TRPV4: variants seen among roughly 807,000 people sequenced by gnomAD.
TRPV4 encodes the protein transient receptor potential cation channel subfamily V member 4.
In TRPV4, 58 loss-of-function variants were observed where a neutral mutation model predicts 84.1. That is an observed-to-expected ratio of 0.69 (90% confidence interval 0.56 to 0.86). TRPV4 has a LOEUF of 0.86. Ranked by LOEUF, TRPV4 falls within the 40% of genes least tolerant of loss-of-function variation. TRPV4 has a pLI of 0.00. For synonymous variants in TRPV4, 489 were observed against 500.9 expected (o/e 0.98, Z 0.32); for missense variants, 879 against 1,181.1 (o/e 0.74, Z 3.75).
intron 1 of TRPV4, among the ~76,000 whole-genome samples, chr12:109,828,605 G>A (rs1449387620): frequency 2.0e-5 from 3 of 152,220 alleles, no homozygotes; most frequent in Admixed American, 2.0e-4. Context: ...ACTTTCTGAG[G>A]TCACAGAGCA....
Position 109,815,823 on chromosome 12 carries a change from A to C in TRPV4, c.-31-996T>G, listed in dbSNP as rs1291462933. ...GTTCCCATTTCTCAGATGAGGAAGC[A>C]GCTTTCAAAGGCAGCAAACAGCTTG... On this transcript the variant is annotated intron_variant, in intron 1 of 15. Coordinates refer to ENST00000261740, the MANE Select transcript of TRPV4 (RefSeq NM_021625.5). This position sits in a 1 kb window ranked among gnomAD's most constrained non-coding sequence, Gnocchi z 4.1. Among the ~76,000 whole-genome samples, 1 of 152,248 alleles carries C rather than the reference A, an allele frequency of 6.6e-6. No homozygotes were observed. Among genetic ancestry groups the C allele is most frequent in the Non-Finnish European group, 1.5e-5 (1 of 68,040 alleles).
chr12:109,827,992 C>A (rs1174169113), intron 1 of TRPV4, among the ~76,000 whole-genome samples: 1 of 152,224 alleles, frequency 6.6e-6, no homozygotes, highest in African/African-American at 2.4e-5. Context: ...CCCACTCGGT[C>A]AACCGGGTGG....
chr12:109,831,464 C>G (rs1347404016), intron 1 of TRPV4, among the ~76,000 whole-genome samples: 1 of 152,232 alleles, frequency 6.6e-6, no homozygotes, highest in African/African-American at 2.4e-5. Flanking sequence ...CCCCGGGGGG[C>G]CACAAGGGAA....
intron 1 of TRPV4, among the ~76,000 whole-genome samples, chr12:109,819,603 C>G (rs1367900561): frequency 6.6e-6 from 1 of 152,216 alleles, no homozygotes; most frequent in African/African-American, 2.4e-5. Flanking sequence ...ACTCTCTCAC[C>G]CAGACTGCAG....
intron 12 of TRPV4, 26 bp from the exon 13 acceptor site, chr12:109,788,742 A>C: frequency 6.2e-7 from 1 of 1,612,802 alleles, no homozygotes; most frequent in Non-Finnish European, 8.5e-7. Flanking sequence ...GGTGGCACTC[A>C]CTGAGTGTGA....
chr12:109,817,539 T>C (rs575040867), intron 1 of TRPV4, among the ~76,000 whole-genome samples: 1 of 152,278 alleles, frequency 6.6e-6, no homozygotes, highest in South Asian at 2.1e-4. Context: ...AAATGGGGGC[T>C]CTGGTGCCAG....
At chr12:109,803,211 G>A (rs1367075285) in intron 3 of TRPV4, 68 bp from the exon 4 acceptor site, 1 of 1,580,192 alleles carries the variant, frequency 6.3e-7, no homozygotes, top group Admixed American at 1.7e-5. Flanking sequence ...AGGCATCGGG[G>A]TACAGAACAC....
At chr12:109,829,324 A>G (rs1592877235) in intron 1 of TRPV4, among the ~76,000 whole-genome samples, 1 of 152,336 alleles carries the variant, frequency 6.6e-6, no homozygotes, top group East Asian at 1.9e-4. Context: ...CTGAGGCCAA[A>G]GGAATAATGG....
rs1456793494 is a variant in TRPV4 at position 109,803,064 on chromosome 12, C to A, written c.639G>T (p.Leu213=). 6.2e-7 allele frequency: 1 copy of A among 1,614,090 alleles called. No homozygotes were observed. Among genetic ancestry groups the A allele is most frequent in the African/African-American group, 1.3e-5 (1 of 74,950 alleles). ...TGCCGGTGCGCTCCGCGATGTCCAG[C>A]AGCACAGGGATGGTGTCGTTGCGGC... The part of the protein sequence containing the change: ...SNGRNDTIPV[L]LDIAERTGNM... The change falls in exon 4 of 16, where the codon CTG becomes CTT. Residue 213 remains leucine (L), a synonymous_variant. Transcript: ENST00000261740.
In TRPV4 at chr12:109,793,809, G is replaced by A; in HGVS notation, c.1584+121C>T. The A allele has an allele frequency of 1.1e-6, 1 of 882,388 alleles. No individual in the cohort carries two copies. Among genetic ancestry groups the A allele is most frequent in the Non-Finnish European group, 1.9e-6 (1 of 538,404 alleles). 54.7% of individuals were successfully genotyped at this position (882,388 alleles called of 1,614,324 possible). A position where few individuals can be genotyped will look rare whatever the true frequency, so the allele number is the denominator to read the frequency against. ...TAGAAGAGAAATGGGAAAATAAAAG[G>A]AGGAAGGAAAGGAGAAGGACCATTT... is the stretch of plus-strand genomic sequence containing the variant. On this transcript the variant is annotated intron_variant, in intron 9 of 15. Transcript: ENST00000261740. The surrounding 1 kb of genome is among the most constrained non-coding windows in gnomAD (Gnocchi z 4.0).
chr12:109,794,998 A>G (rs1890303814), intron 7 of TRPV4, among the ~76,000 whole-genome samples: 1 of 152,232 alleles, frequency 6.6e-6, no homozygotes, highest in Non-Finnish European at 1.5e-5. Flanking sequence ...AGCCTGGGCA[A>G]CAAGAGTGAG....
intron 13 of TRPV4, among the ~76,000 whole-genome samples, chr12:109,787,307 T>C (rs1299912557): frequency 1.3e-5 from 2 of 152,172 alleles, no homozygotes; most frequent in Admixed American, 6.5e-5. Flanking sequence ...TTGTTGTTTT[T>C]AATATAATGG....
At chr12:109,792,516 C>A in intron 11 of TRPV4, 87 bp from the exon 12 acceptor site, 1 of 1,570,796 alleles carries the variant, frequency 6.4e-7, no homozygotes, top group South Asian at 1.1e-5. Flanking sequence ...CCTGGTCCCA[C>A]CCCAGTGTCC....
At chr12:109,792,940 C>T in intron 10 of TRPV4, 123 bp from the exon 11 acceptor site, 5 of 953,110 alleles carry the variant, frequency 5.2e-6, no homozygotes, top group Non-Finnish European at 7.9e-6. Flanking sequence ...TCTAGACCCC[C>T]AGAAAAGAAA....
At position 109,793,945 on chromosome 12, in the gene TRPV4, C is replaced by T. The variant is rs959167586; in HGVS notation, c.1569G>A (p.Leu523=). Residue 523 remains leucine, a synonymous_variant, in exon 9 of 16, where the codon CTG becomes CTA. Coordinates refer to ENST00000261740, the MANE Select transcript of TRPV4 (RefSeq NM_021625.5). This position sits in a 1 kb window ranked among gnomAD's most constrained non-coding sequence, Gnocchi z 4.0. ...AGGCACTTACGTTGGTGAAGAAGAACAGGACCCCAGTGAAGAGCGTAATGA... is the reference window on the plus strand; with the variant it reads ...AGGCACTTACGTTGGTGAAGAAGAATAGGACCCCAGTGAAGAGCGTAATGA... ...GEVITLFTGV[L]FFFTNIKDLF... 6.2e-7 allele frequency: 1 copy of T among 1,609,772 alleles called. No individual in the cohort carries two copies. Among genetic ancestry groups the T allele is most frequent in the African/African-American group, 1.3e-5 (1 of 74,834 alleles).
At chr12:109,826,305 T>C (rs1439206430) in intron 1 of TRPV4, among the ~76,000 whole-genome samples, 1 of 152,232 alleles carries the variant, frequency 6.6e-6, no homozygotes, top group African/African-American at 2.4e-5. Context: ...ATTACAGGCG[T>C]GAACCACCAT....
intron 12 of TRPV4, 101 bp downstream of exon 12, chr12:109,792,262 A>AAAAT: frequency 1.1e-6 from 1 of 910,866 alleles, no homozygotes; most frequent in Non-Finnish European, 1.6e-6. Context: ...AAAAAAAAAA[A>AAAAT]AAAGAACTCA....
intron 7 of TRPV4, 55 bp from the exon 8 acceptor site, chr12:109,794,542 G>C (rs1890269216): frequency 6.2e-7 from 1 of 1,601,814 alleles, no homozygotes; most frequent in African/African-American, 1.3e-5. Flanking sequence ...GGGGGGTCCA[G>C]GCAGGCTGCC....
At chr12:109,809,280 T>G (rs1891360850) in intron 2 of TRPV4, among the ~76,000 whole-genome samples, 1 of 130,842 alleles carries the variant, frequency 7.6e-6, no homozygotes, top group Non-Finnish European at 1.6e-5. Context: ...TACCCGCCCA[T>G]CCATCCATCC....
Sources: allele counts gnomAD v4.1 joint callset (sites outside exome capture counted in the v4.1 genomes callset), GRCh38; gene constraint gnomAD v4.1.1; non-coding constraint Gnocchi (gnomAD v3.1); transcripts MANE v1.5; gene names NCBI Gene and HGNC (gene_info 2026-07-23, HGNC 2026-07-21).